Variants in GAS7 observed in about 807,000 individuals in gnomAD.
GAS7 encodes the protein growth arrest-specific protein 7.
Under a neutral mutation model 71.1 loss-of-function variants are expected in GAS7, and 28 were observed. That is an observed-to-expected ratio of 0.39 (90% CI 0.29 to 0.54). GAS7 has a LOEUF of 0.54. GAS7 is among the 20% of genes least tolerant of loss of function. The pLI is 0.62. For missense variants in GAS7, 436 were observed against 627.8 expected (o/e 0.69, Z 3.27); for synonymous variants, 258 against 245.8 (o/e 1.05, Z -0.46).
intron 3 of GAS7, among the ~76,000 whole-genome samples, chr17:9,973,764 T>G (rs971434668): frequency 2.0e-5 from 3 of 152,196 alleles, no homozygotes; most frequent in Non-Finnish European, 4.4e-5. Flanking sequence ...GACACATCCA[T>G]GCATAGAAAC....
At position 10,088,673 on chromosome 17, in the gene GAS7, G is replaced by A. The variant is rs114587647; in HGVS notation, c.184-68776C>T. ...ATAAATCATCCCAATTATACAGGGC[G>A]AGCTGCCATGCTGTCTCTATTTCTG... On this transcript the variant is annotated intron_variant, in intron 1 of 13. Coordinates refer to ENST00000432992, the MANE Select transcript of GAS7 (RefSeq NM_201433.2). 2.1e-3 allele frequency among the ~76,000 whole-genome samples: 313 copies of A among 152,248 alleles called. 1 individual carries two copies. The highest frequency in any genetic ancestry group is 7.2e-3 in the African/African-American group (297 of 41,526).
At chr17:10,008,754 A>G (rs894232370) in intron 2 of GAS7, among the ~76,000 whole-genome samples, 1 of 152,194 alleles carries the variant, frequency 6.6e-6, no homozygotes, top group Non-Finnish European at 1.5e-5. Flanking sequence ...GGCTTTATAT[A>G]AATTAGGCTG....
intron 1 of GAS7, among the ~76,000 whole-genome samples, chr17:10,058,557 G>C (rs1168006757): frequency 6.6e-6 from 1 of 152,190 alleles, no homozygotes; most frequent in African/African-American, 2.4e-5. Context: ...ATACTGATCA[G>C]AGGAGCCGTC....
chr17:9,943,356 C>CG, intron 6 of GAS7, 120 bp from the exon 7 acceptor site: 1 of 676,138 alleles, frequency 1.5e-6, no homozygotes, highest in Non-Finnish European at 2.7e-6. Flanking sequence ...GCACAAGACG[C>CG]GGGAGCAGCT....
chr17:9,984,321 G>A (rs746147586), intron 2 of GAS7, among the ~76,000 whole-genome samples: 3 of 152,046 alleles, frequency 2.0e-5, no homozygotes, highest in Non-Finnish European at 4.4e-5. Context: ...TGTGATTGGT[G>A]GTCTCAAGGC....
Position 9,926,153 on chromosome 17 carries a change from G to A in GAS7, c.1014+488C>T, listed in dbSNP as rs932875791. On this transcript the variant is annotated intron_variant, in intron 10 of 13. Coordinates refer to ENST00000432992, the MANE Select transcript of GAS7 (RefSeq NM_201433.2). This position sits in a 1 kb window ranked among gnomAD's most constrained non-coding sequence, Gnocchi z 5.0. ...TCTCCTCTCTAAGGCACTGGGGACT[G>A]GGAATCAGTCCCTGGGGCACACTCT... 1.3e-5 allele frequency among the ~76,000 whole-genome samples: 2 copies of A among 152,042 alleles called. No homozygotes were observed. Among genetic ancestry groups the A allele is most frequent in the African/African-American group, 4.8e-5 (2 of 41,410 alleles).
chr17:10,008,956 T>TTTATTA, intron 2 of GAS7, among the ~76,000 whole-genome samples: 1 of 152,152 alleles, frequency 6.6e-6, no homozygotes, highest in East Asian at 1.9e-4. Flanking sequence ...AACACGGAAT[T>TTTATTA]ATCAGGGCCA....
At chr17:9,957,572 G>GC (rs2069295780) in intron 5 of GAS7, among the ~76,000 whole-genome samples, 1 of 151,626 alleles carries the variant, frequency 6.6e-6, no homozygotes, top group East Asian at 1.9e-4. Flanking sequence ...CTCCCACTCC[G>GC]ACCTCCCCCC....
chr17:10,099,578 G>C (rs191115912), intron 1 of GAS7, among the ~76,000 whole-genome samples: 91 of 152,044 alleles, frequency 6.0e-4, no homozygotes, highest in African/African-American at 2.1e-3. Context: ...TTTTTTGGAC[G>C]GCGGGGGAGT....
intron 1 of GAS7, among the ~76,000 whole-genome samples, chr17:10,022,787 C>A (rs2152210408): frequency 6.6e-6 from 1 of 152,364 alleles, no homozygotes; most frequent in Non-Finnish European, 1.5e-5. Flanking sequence ...ATCCCTCTGT[C>A]TGAAATGTCA....
intron 2 of GAS7, among the ~76,000 whole-genome samples, chr17:9,994,989 C>G (rs1191506379): frequency 6.6e-6 from 1 of 152,196 alleles, no homozygotes; most frequent in South Asian, 2.1e-4. Context: ...CTCACCGTGA[C>G]GTGGCAACGG....
In GAS7 at chr17:9,912,106, C is replaced by T. The variant is rs1448334841; in HGVS notation, c.*5122G>A. 1 of 232,032 alleles carries T rather than the reference C, an allele frequency of 4.3e-6. No individual in the cohort carries two copies. The highest frequency in any genetic ancestry group is 2.2e-5 in the African/African-American group (1 of 45,266). 14.4% of individuals were successfully genotyped at this position (232,032 alleles called of 1,614,324 possible). A position where few individuals can be genotyped will look rare whatever the true frequency, so the allele number is the denominator to read the frequency against. On this transcript the variant is annotated 3_prime_UTR_variant, in exon 14 of 14. Coordinates refer to ENST00000432992, the MANE Select transcript of GAS7 (RefSeq NM_201433.2). ...CTATCAAAGATCGACGAATGAGATC[C>T]AAACGGTCATTACTTGCACTGTCTT...
intron 1 of GAS7, among the ~76,000 whole-genome samples, chr17:10,075,912 A>G (rs1030426532): frequency 4.6e-5 from 7 of 151,444 alleles, no homozygotes; most frequent in African/African-American, 1.7e-4. Context: ...CAACCCCTCG[A>G]CCAACATGGT....
rs2067485935 is a variant in GAS7 at position 9,913,192 on chromosome 17, GGGAAAAGGT to G, written c.*4027_*4035del. On this transcript the variant is annotated 3_prime_UTR_variant, in exon 14 of 14. Coordinates refer to ENST00000432992, the MANE Select transcript of GAS7 (RefSeq NM_201433.2). The stretch of plus-strand genomic sequence containing the variant: ...ATGTCAATCATACCTCAATAAACCT[GGGAAAAGGT>G]GGTGGCGATGGGCCTTGTAGGGATG... 1 of 232,278 alleles carries G rather than the reference GGGAAAAGGT, an allele frequency of 4.3e-6. No individual in the cohort carries two copies. The highest frequency in any genetic ancestry group is 8.5e-6 in the Non-Finnish European group (1 of 117,532). The allele number at this position is 232,278 out of a possible 1,614,324, so 14.4% of individuals were successfully genotyped here.
At chr17:10,175,165 A>T (rs971939720) in intron 1 of GAS7, among the ~76,000 whole-genome samples, 1 of 151,250 alleles carries the variant, frequency 6.6e-6, no homozygotes, top group African/African-American at 2.4e-5. Context: ...CATTCTAATG[A>T]TAATAAGGTA....
At chr17:10,061,267 C>A (rs941189217) in intron 1 of GAS7, 2 of 152,248 alleles carry the variant, frequency 1.3e-5, no homozygotes, top group African/African-American at 4.8e-5. Flanking sequence ...GGCTCCGAAG[C>A]CACACAGAGA....
rs12453300 is a variant in GAS7 at position 9,925,199 on chromosome 17, C to T, written c.1138+277G>A. Among the ~76,000 whole-genome samples, 46,021 of 151,880 alleles carry T rather than the reference C, an allele frequency of 0.3. 7,248 individuals carry two copies. The highest frequency in any genetic ancestry group is 0.39 in the African/African-American group (16,257 of 41,390). On this transcript the variant is annotated intron_variant, in intron 11 of 13. Transcript: ENST00000432992. ...CTTGGGCGGAAAACAAAAAAAGCCA[C>T]GACCAGGGAGAGAGTAAGGAGTCCA...
At chr17:10,152,104 C>T (rs1193378120) in intron 1 of GAS7, among the ~76,000 whole-genome samples, 1 of 152,180 alleles carries the variant, frequency 6.6e-6, no homozygotes, top group Non-Finnish European at 1.5e-5. Context: ...CTTCTCTCAC[C>T]TCTGACTGGC....
chr17:10,154,488 G>A (rs2074189720), intron 1 of GAS7, among the ~76,000 whole-genome samples: 1 of 151,648 alleles, frequency 6.6e-6, no homozygotes, highest in Admixed American at 6.6e-5. Context: ...TAGATGACAG[G>A]GTGAGGCCTT....
Sources: allele counts gnomAD v4.1 joint callset (sites outside exome capture counted in the v4.1 genomes callset), GRCh38; gene constraint gnomAD v4.1.1; non-coding constraint Gnocchi (gnomAD v3.1); transcripts MANE v1.5; gene names NCBI Gene and HGNC (gene_info 2026-07-23, HGNC 2026-07-21).